The following SLC5A11 variants were observed in gnomAD, a reference collection of about 807,000 sequenced individuals.
The protein encoded by SLC5A11 is solute carrier family 5 member 11.
Under a neutral mutation model 69.8 loss-of-function variants are expected in SLC5A11, and 48 were observed. The ratio of observed to expected loss-of-function variants is 0.69; its 90% CI spans 0.55 to 0.87. The LOEUF is 0.87. Among genes scored for constraint, SLC5A11 ranks in the 40% least tolerant of loss-of-function variants. The pLI, the probability that SLC5A11 is intolerant of heterozygous loss-of-function variation, is 0.00. For missense variants in SLC5A11, 784 were observed against 866.1 expected, an observed-to-expected ratio of 0.91 and a Z score of 1.19; for synonymous variants, 319 against 342.4, an observed-to-expected ratio of 0.93 and a Z score of 0.75.
At chr16:24,906,357 A>AG (rs1279077014) in intron 10 of SLC5A11, among the ~76,000 whole-genome samples, 1 of 151,922 alleles carries the variant, frequency 6.6e-6, no homozygotes, top group East Asian at 1.9e-4. Flanking sequence ...AAAAAAAAAA[A>AG]AAAGACATTA....
Position 24,907,012 on chromosome 16 carries a change from CT to C in SLC5A11, c.1115-11del. The C allele has an allele frequency of 6.2e-7, 1 of 1,612,904 alleles. No individual in the cohort carries two copies. The highest frequency in any genetic ancestry group is 1.1e-5 in the South Asian group (1 of 90,918). On this transcript the variant is annotated splice_polypyrimidine_tract_variant and intron_variant, in intron 11 of 15. Coordinates refer to ENST00000347898, the Ensembl canonical transcript of SLC5A11. Reference sequence around the variant, plus strand: ...AAAAGGACCGAGGCCCATGACCTCCCTTCCGCCCCCAGGGCTCCGTGGGCTG... The same window carrying C: ...AAAAGGACCGAGGCCCATGACCTCCCTCCGCCCCCAGGGCTCCGTGGGCTG...
chr16:24,865,828 TAAAC>T (rs969993449), intron 3 of SLC5A11, among the ~76,000 whole-genome samples: 1 of 151,428 alleles, frequency 6.6e-6, no homozygotes. Flanking sequence ...ATGAAAAAAA[TAAAC>T]AAAGAGCACT....
chr16:24,911,186 A>G (rs982563627), intron 15 of SLC5A11, 142 bp from the exon 17 acceptor site: 21 of 677,172 alleles, frequency 3.1e-5, no homozygotes, highest in East Asian at 3.0e-4. Flanking sequence ...AAAAAAAAAA[A>G]GGGAGATTTC....
chr16:24,879,117 T>A (rs768464500), intron 7 of SLC5A11, among the ~76,000 whole-genome samples: 1 of 152,010 alleles, frequency 6.6e-6, no homozygotes, highest in African/African-American at 2.4e-5. Flanking sequence ...GGTGAAGAGA[T>A]GGAGGACAGG....
At chr16:24,876,311 G>A (rs1048177873) in intron 6 of SLC5A11, among the ~76,000 whole-genome samples, 1 of 152,096 alleles carries the variant, frequency 6.6e-6, no homozygotes, top group African/African-American at 2.4e-5. Context: ...AGGATGATGT[G>A]GGTTGATCAA....
At chr16:24,883,243 T>C (rs1456979849) in intron 7 of SLC5A11, among the ~76,000 whole-genome samples, 1 of 144,926 alleles carries the variant, frequency 6.9e-6, no homozygotes, top group Non-Finnish European at 1.5e-5. Context: ...CTCATGCTTA[T>C]AGTCCTAGCT....
chr16:24,877,408 G>C (rs756043298), intron 7 of SLC5A11, 45 bp downstream of exon 8: 1 of 1,436,074 alleles, frequency 7.0e-7, no homozygotes, highest in African/African-American at 1.4e-5. Context: ...CAGTGGGCAG[G>C]GGCTGTGGGC....
At chr16:24,879,791 C>T (rs372548646) in intron 7 of SLC5A11, among the ~76,000 whole-genome samples, 48 of 152,272 alleles carry the variant, frequency 3.2e-4, no homozygotes, top group Middle Eastern at 3.4e-3. Flanking sequence ...TCTGTTCCTG[C>T]ATTAATTCAC....
intron 4 of SLC5A11, among the ~76,000 whole-genome samples, chr16:24,870,899 A>G (rs191582695): frequency 8.5e-5 from 13 of 152,146 alleles, no homozygotes; most frequent in Non-Finnish European, 1.8e-4. Flanking sequence ...TTAGACGTCA[A>G]TCGGCCATCA....
At chr16:24,859,812 T>G (rs1216281059) in intron 2 of SLC5A11, among the ~76,000 whole-genome samples, 3 of 152,192 alleles carry the variant, frequency 2.0e-5, no homozygotes, top group Admixed American at 1.3e-4. Context: ...CTGAAGGTCA[T>G]TTGGATTGTT....
intron 8 of SLC5A11, among the ~76,000 whole-genome samples, chr16:24,888,555 C>G (rs1334834562): frequency 6.9e-6 from 1 of 144,066 alleles, no homozygotes; most frequent in Non-Finnish European, 1.5e-5. Flanking sequence ...ACAATCTCAG[C>G]TCACTGCAAC....
At chr16:24,870,374 C>T (rs2047199585) in intron 4 of SLC5A11, among the ~76,000 whole-genome samples, 1 of 151,018 alleles carries the variant, frequency 6.6e-6, no homozygotes, top group Admixed American at 6.6e-5. Context: ...GCCTGGGTGA[C>T]AAGAGTGAAA....
exon 13 of SLC5A11, chr16:24,908,035 G>T: frequency 6.2e-7 from 1 of 1,613,692 alleles, no homozygotes; most frequent in East Asian, 2.2e-5. Flanking sequence ...AGGGCGGCCA[G>T]CTCTTCATCT....
Position 24,884,144 on chromosome 16 carries a change from C to A in SLC5A11, c.664+13C>A. 2 of 1,613,612 alleles carry A rather than the reference C, an allele frequency of 1.2e-6. No homozygotes were observed. Among genetic ancestry groups the A allele is most frequent in the Non-Finnish European group, 1.7e-6 (2 of 1,179,612 alleles). Reference sequence around the variant, plus strand: ...TTGATGGGCTACAGTAAGTGGGGTCCCCGGGTCACTGGGGCGGACAACAGC... The same window carrying A: ...TTGATGGGCTACAGTAAGTGGGGTCACCGGGTCACTGGGGCGGACAACAGC... On this transcript the variant is annotated intron_variant, in intron 8 of 15. Transcript: ENST00000347898.
chr16:24,905,628 A>ACGCGCGCG lies in SLC5A11; in HGVS notation c.1007-1023_1007-1016dup, dbSNP rs148096402. ...CAGAGCAAGACCCCATCTCAAAAAC[A>ACGCGCGCG]CGCGCGCGCGCGCACACACACACAC... On this transcript the variant is annotated intron_variant, in intron 10 of 15. Coordinates refer to ENST00000347898, the Ensembl canonical transcript of SLC5A11. Among the ~76,000 whole-genome samples the ACGCGCGCG allele has an allele frequency of 2.8e-3, 358 of 128,588 alleles. 4 individuals are homozygous for ACGCGCGCG. Among genetic ancestry groups the ACGCGCGCG allele is most frequent in the South Asian group, 8.6e-3 (32 of 3,710 alleles). 84.4% of individuals were successfully genotyped at this position (128,588 alleles called of 152,430 possible).
intron 6 of SLC5A11, among the ~76,000 whole-genome samples, chr16:24,876,073 G>A (rs1286483120): frequency 6.6e-6 from 1 of 152,134 alleles, no homozygotes. Flanking sequence ...GCTGATGCCT[G>A]TAGTCCCAGC....
chr16:24,888,478 C>CTTTTTTTTTTTTTT (rs891552223), intron 8 of SLC5A11, among the ~76,000 whole-genome samples: 1 of 81,408 alleles, frequency 1.2e-5, no homozygotes, highest in African/African-American at 5.0e-5. Flanking sequence ...GTATCTATTT[C>CTTTTTTTTTTTTTT]TTTTTTTTTT....
At chr16:24,898,501 T>C (rs188300567) in intron 10 of SLC5A11, among the ~76,000 whole-genome samples, 14 of 149,774 alleles carry the variant, frequency 9.3e-5, no homozygotes, top group East Asian at 7.8e-4. Context: ...TGAGCCAACA[T>C]GCCCAGTCCT....
chr16:24,890,508 AAAAAAAAG>A (rs2048712012), intron 8 of SLC5A11, among the ~76,000 whole-genome samples: 1 of 57,166 alleles, frequency 1.7e-5, no homozygotes, highest in African/African-American at 8.3e-5. Flanking sequence ...AAAAAAAAAA[AAAAAAAAG>A]AAGGAAGGAA....
Sources: gnomAD v4.1 joint callset for allele counts (sites outside exome capture counted in the v4.1 genomes callset) on GRCh38, gnomAD v4.1.1 for gene constraint, MANE v1.5 for transcripts, NCBI Gene and HGNC (gene_info 2026-07-23, HGNC 2026-07-21) for gene names.